NEBL: variants seen among roughly 807,000 people sequenced by gnomAD.
NEBL encodes LIM and SH3 protein 2.
In NEBL, 122 loss-of-function variants were observed where a neutral mutation model predicts 140.2. The observed-to-expected ratio is 0.87, with a 90% confidence interval of 0.75 to 1.01. The LOEUF is 1.01. Among genes scored for constraint, NEBL ranks in the 50% least tolerant of loss-of-function variants. The probability of loss-of-function intolerance (pLI) is 0.00; values close to 1 mark genes in which losing one functional copy is unlikely to be tolerated. For synonymous variants in NEBL, 436 were observed against 398.9 expected, an observed-to-expected ratio of 1.09 and a Z score of -1.11; for missense variants, 1,365 against 1,231.3, an observed-to-expected ratio of 1.11 and a Z score of -1.62.
intron 3 of NEBL, among the ~76,000 whole-genome samples, chr10:21,240,907 T>TACACACACACACACACACACAAAC (rs1842429635): frequency 1.5e-5 from 2 of 137,278 alleles, no homozygotes; most frequent in African/African-American, 5.3e-5. Flanking sequence ...CACGCACACA[T>TACACACACACACACACACACAAAC]ACACACACAC....
At chr10:20,831,412 G>A (rs1156695317) in intron 15 of NEBL, 61 bp downstream of exon 15, 1 of 1,502,406 alleles carries the variant, frequency 6.7e-7, no homozygotes, top group Non-Finnish European at 9.2e-7. Flanking sequence ...GAAAACTTAT[G>A]CTCTTTCCAG....
chr10:20,866,545 C>A (rs1159966449), intron 7 of NEBL, among the ~76,000 whole-genome samples: 5 of 152,158 alleles, frequency 3.3e-5, no homozygotes, highest in African/African-American at 1.2e-4. Flanking sequence ...TATACGTGCA[C>A]AACTATATCC....
In NEBL at chr10:21,171,461, C is replaced by T. The variant is rs1841073297; in HGVS notation, c.164+922G>A. The T allele has an allele frequency of 2.0e-5, 3 of 151,752 alleles. 1 individual carries two copies. The South Asian group carries it at 6.2e-4, about 31-fold the overall frequency. 9.4% of individuals were successfully genotyped at this position (151,752 alleles called of 1,614,324 possible). A position where few individuals can be genotyped will look rare whatever the true frequency, so the allele number is the denominator to read the frequency against. ...GGGGATGTTCACAGGAGTGGAGAAA[C>T]ATATGCCCCTGGGCAGCAAGGTAGA... is the stretch of plus-strand genomic sequence containing the variant. On this transcript the variant is annotated intron_variant, in intron 2 of 6. Coordinates refer to the NEBL transcript ENST00000417816.
At chr10:20,812,988 T>C (rs746994730) in intron 23 of NEBL, 48 bp from the exon 24 acceptor site, 6 of 1,480,640 alleles carry the variant, frequency 4.1e-6, no homozygotes, top group South Asian at 1.1e-5. Flanking sequence ...TAGTTACCTC[T>C]TTCACAACAT....
At chr10:21,141,345 T>C (rs1210474819) in intron 2 of NEBL, among the ~76,000 whole-genome samples, 1 of 152,166 alleles carries the variant, frequency 6.6e-6, no homozygotes, top group Non-Finnish European at 1.5e-5. Context: ...CAGTGCATTA[T>C]TTAGGGGCAA....
intron 23 of NEBL, 61 bp downstream of exon 23, chr10:20,813,878 T>A: frequency 9.5e-7 from 1 of 1,055,494 alleles, no homozygotes; most frequent in Non-Finnish European, 1.5e-6. Flanking sequence ...AGTAATGCCA[T>A]CCGTGCACTG....
intron 3 of NEBL, among the ~76,000 whole-genome samples, chr10:21,007,891 C>A (rs77568868): frequency 0.03 from 4,498 of 152,202 alleles, 221 homozygotes; most frequent in African/African-American, 0.1. Context: ...TTTTCACATT[C>A]GCTATTTCTT....
At position 20,781,518 on chromosome 10, in the gene NEBL, A is replaced by T. The variant is rs773577971; in HGVS notation, c.*4229T>A. ...GCAGTTTTCTCTTTTCCTTTAAAGT[A>T]CATCATTCTTAACAGCAACTGGATT... On this transcript the variant is annotated 3_prime_UTR_variant, in exon 28 of 28. Transcript: ENST00000377122. The T allele has an allele frequency of 1.1e-4, 17 of 152,206 alleles. No individual in the cohort carries two copies. The highest frequency in any genetic ancestry group is 1.9e-4 in the Non-Finnish European group (13 of 68,038). 9.4% of individuals were successfully genotyped at this position (152,206 alleles called of 1,614,324 possible). A position where few individuals can be genotyped will look rare whatever the true frequency, so the allele number is the denominator to read the frequency against.
intron 26 of NEBL, among the ~76,000 whole-genome samples, chr10:20,799,346 A>G (rs1039002970): frequency 6.6e-6 from 1 of 152,020 alleles, no homozygotes; most frequent in Non-Finnish European, 1.5e-5. Flanking sequence ...AGGAGATACC[A>G]GGTCTCACCA....
intron 1 of NEBL, among the ~76,000 whole-genome samples, chr10:21,275,907 C>T (rs1842917337): frequency 6.7e-6 from 1 of 149,176 alleles, no homozygotes; most frequent in African/African-American, 2.5e-5. Context: ...ATCTGCCTGC[C>T]TCAGCCTCCC....
Position 20,835,580 on chromosome 10 carries a change from C to A in NEBL, c.1382G>T (p.Gly461Val). ...AAGGGTGTCAGTGCCAGCTTGCATT[C>A]CTTTCCCTTTAATTATTGACTCCAG... is the stretch of plus-strand genomic sequence containing the variant. ...KDLESIIKGK[G>V]MQAGTDTLEM... Residue 461 changes from glycine (G) to valine (V), a missense_variant, in exon 14 of 28, where the codon GGA becomes GTA. Physicochemically the swap from Gly to Val is moderately radical, Grantham distance 109. Around this residue, in one of 2 missense-constraint regions of NEBL, gnomAD observed 1,323 missense variants for 1,154.8 expected, o/e 1.15. Transcript: ENST00000377122. 1 of 1,612,590 alleles carries A rather than the reference C, an allele frequency of 6.2e-7. No individual in the cohort carries two copies. The highest frequency in any genetic ancestry group is 1.1e-5 in the South Asian group (1 of 91,072).
chr10:21,030,517 G>A lies in NEBL; in HGVS notation c.165-10316C>T, dbSNP rs185000983. The A allele has an allele frequency of 2.7e-5, 22 of 806,298 alleles. 1 individual carries two copies. In the African/African-American group the frequency reaches 3.6e-4, roughly 13 times the overall value. 49.9% of individuals were successfully genotyped at this position (806,298 alleles called of 1,614,324 possible). A position where few individuals can be genotyped will look rare whatever the true frequency, so the allele number is the denominator to read the frequency against. ...CCCCTCCACCAAAGGAGAATGCTTGGTGAAGTGAGGTTCTAACCCTCCTGC... is the reference window on the plus strand; with the variant it reads ...CCCCTCCACCAAAGGAGAATGCTTGATGAAGTGAGGTTCTAACCCTCCTGC... On this transcript the variant is annotated intron_variant, in intron 2 of 6. Coordinates refer to the NEBL transcript ENST00000417816.
At chr10:20,790,035 C>T (rs1835819008) in intron 26 of NEBL, among the ~76,000 whole-genome samples, 1 of 151,198 alleles carries the variant, frequency 6.6e-6, no homozygotes, top group Admixed American at 6.6e-5. Context: ...GAAAGGGAAC[C>T]TGTGCTACTG....
chr10:21,252,367 G>A (rs1412121451), intron 1 of NEBL, among the ~76,000 whole-genome samples: 1 of 152,302 alleles, frequency 6.6e-6, no homozygotes, highest in East Asian at 1.9e-4. Flanking sequence ...GACAAAAAAA[G>A]CAGAAAGCAG....
chr10:20,998,620 T>C (rs1837762610), intron 3 of NEBL, among the ~76,000 whole-genome samples: 1 of 151,982 alleles, frequency 6.6e-6, no homozygotes, highest in South Asian at 2.1e-4. Context: ...ATACTTAACA[T>C]CAGAATTAAG....
chr10:20,938,579 G>A (rs1219711544), intron 4 of NEBL, among the ~76,000 whole-genome samples: 2 of 152,206 alleles, frequency 1.3e-5, no homozygotes, highest in Non-Finnish European at 1.5e-5. Context: ...ACGGAACAAA[G>A]CTGGATGGAG....
At chr10:21,002,897 G>C (rs1837965562) in intron 3 of NEBL, among the ~76,000 whole-genome samples, 1 of 151,770 alleles carries the variant, frequency 6.6e-6, no homozygotes, top group South Asian at 2.1e-4. Context: ...CAATTAGTGA[G>C]GTCTCTTTCA....
At chr10:21,200,923 G>A (rs748878999) in intron 3 of NEBL, among the ~76,000 whole-genome samples, 17 of 151,850 alleles carry the variant, frequency 1.1e-4, no homozygotes, top group East Asian at 1.9e-4. Context: ...GAGATATCCC[G>A]TCTAAAAAAA....
Position 21,043,949 on chromosome 10 carries a change from A to T in NEBL, c.165-23748T>A, listed in dbSNP as rs571027759. 4.6e-5 allele frequency among the ~76,000 whole-genome samples: 7 copies of T among 152,336 alleles called. No individual in the cohort carries two copies. The South Asian group carries it at 1.5e-3, about 32-fold the overall frequency. On this transcript the variant is annotated intron_variant, in intron 2 of 6. Coordinates refer to the NEBL transcript ENST00000417816. ...CTAGTCTACAACTCTAAATAGATCC[A>T]CAGTGTGCATATGGCCACCTGAAGC...
Sources: gnomAD v4.1 joint callset for allele counts (sites outside exome capture counted in the v4.1 genomes callset) on GRCh38, gnomAD v4.1.1 for gene constraint, gnomAD v4.1.1 regional missense constraint, MANE v1.5 for transcripts, NCBI Gene and HGNC (gene_info 2026-07-23, HGNC 2026-07-21) for gene names.